Variants in CYFIP2 observed in about 807,000 individuals in gnomAD.
CYFIP2 encodes cytoplasmic FMR1-interacting protein 2.
In CYFIP2, 29 loss-of-function variants were observed where a neutral mutation model predicts 158.7. The observed-to-expected ratio is 0.18, with a 90% CI of 0.14 to 0.25. CYFIP2 has a LOEUF of 0.25. Ranked by LOEUF, CYFIP2 falls within the 10% of genes least tolerant of loss-of-function variation. The probability of loss-of-function intolerance (pLI) is 1.00; values close to 1 mark genes in which losing one functional copy is unlikely to be tolerated. For synonymous variants in CYFIP2, 585 were observed against 617.6 expected, an observed-to-expected ratio of 0.95 and a Z score of 0.78; for missense variants, 852 against 1,639.5, an observed-to-expected ratio of 0.52 and a Z score of 8.29.
intron 8 of CYFIP2, 50 bp downstream of exon 8, chr5:157,304,416 C>G (rs1759042363): frequency 6.5e-7 from 1 of 1,544,860 alleles, no homozygotes; most frequent in Non-Finnish European, 8.7e-7. Flanking sequence ...TACCCTCTCA[C>G]CTTCTTCTTA....
intron 17 of CYFIP2, 38 bp downstream of exon 17, chr5:157,325,676 G>A (rs1258875386): frequency 6.4e-7 from 1 of 1,555,512 alleles, no homozygotes; most frequent in Non-Finnish European, 8.7e-7. Flanking sequence ...GGCTCCTGGG[G>A]TACAAGTAGA....
At chr5:157,281,221 C>T (rs1756963134) in intron 1 of CYFIP2, among the ~76,000 whole-genome samples, 1 of 152,116 alleles carries the variant, frequency 6.6e-6, no homozygotes, top group Non-Finnish European at 1.5e-5. Flanking sequence ...GTTTTGGATC[C>T]AGCATTCTTG....
intron 1 of CYFIP2, among the ~76,000 whole-genome samples, chr5:157,272,612 C>T (rs894027015): frequency 7.0e-4 from 107 of 152,218 alleles, no homozygotes; most frequent in African/African-American, 2.5e-3. Context: ...CTATTCTGCA[C>T]GTTGTCTATT....
chr5:157,392,419 G>A (rs771710010), intron 30 of CYFIP2, among the ~76,000 whole-genome samples: 68 of 152,280 alleles, frequency 4.5e-4, no homozygotes, highest in South Asian at 8.3e-4. Context: ...TAAGGTAAGC[G>A]TCCATTGTTA....
chr5:157,362,886 C>T (rs1215921880), intron 26 of CYFIP2: 2 of 152,226 alleles, frequency 1.3e-5, no homozygotes, highest in African/African-American at 4.8e-5. Context: ...GAGGGGAGAA[C>T]ATGCACTGTT....
intron 26 of CYFIP2, among the ~76,000 whole-genome samples, chr5:157,372,263 A>C (rs1355433490): frequency 1.3e-5 from 2 of 152,190 alleles, no homozygotes; most frequent in African/African-American, 4.8e-5. Context: ...GTTGCACAGG[A>C]GGATGTCCTT....
intron 1 of CYFIP2, among the ~76,000 whole-genome samples, chr5:157,283,429 G>C (rs1315495301): frequency 6.6e-6 from 1 of 151,986 alleles, no homozygotes; most frequent in Non-Finnish European, 1.5e-5. Context: ...TAAGAAGGAA[G>C]ACAGTCTTTT....
intron 23 of CYFIP2, among the ~76,000 whole-genome samples, chr5:157,350,552 GT>G (rs1205780589): frequency 6.6e-5 from 10 of 152,196 alleles, no homozygotes; most frequent in Non-Finnish European, 1.5e-4. Flanking sequence ...TTGAAGTCGG[GT>G]AATGTGATGC....
chr5:157,366,344 G>T (rs1764370622), intron 26 of CYFIP2, among the ~76,000 whole-genome samples: 1 of 152,082 alleles, frequency 6.6e-6, no homozygotes, highest in Admixed American at 6.6e-5. Context: ...TATTACTCTG[G>T]CTTGTCTTTT....
At chr5:157,362,720 T>A (rs972237104) in intron 26 of CYFIP2, 1 of 152,246 alleles carries the variant, frequency 6.6e-6, no homozygotes, top group Non-Finnish European at 1.5e-5. Flanking sequence ...AAATCATGTG[T>A]CTACTGTTAC....
chr5:157,319,948 C>T lies in CYFIP2; in HGVS notation c.1523+20C>T, dbSNP rs951817562. ...CATCAGGTGGGTTTTCAGATGCCTTCAGGAGCATATCAGACATAAGCATGC... is the reference window on the plus strand; with the variant it reads ...CATCAGGTGGGTTTTCAGATGCCTTTAGGAGCATATCAGACATAAGCATGC... On this transcript the variant is annotated intron_variant, in intron 14 of 30. Coordinates refer to ENST00000620254, the MANE Select transcript of CYFIP2 (RefSeq NM_001037333.3). 1 of 1,612,398 alleles carries T rather than the reference C, an allele frequency of 6.2e-7. No individual in the cohort carries two copies. The highest frequency in any genetic ancestry group is 8.5e-7 in the Non-Finnish European group (1 of 1,178,896).
At chr5:157,332,200 T>C (rs1484578853) in intron 20 of CYFIP2, among the ~76,000 whole-genome samples, 4 of 152,308 alleles carry the variant, frequency 2.6e-5, no homozygotes, top group Admixed American at 2.6e-4. Context: ...GTGAATCGTA[T>C]TTTTCCTAAA....
chr5:157,338,696 T>A (rs998336332), intron 21 of CYFIP2, among the ~76,000 whole-genome samples: 4 of 152,224 alleles, frequency 2.6e-5, no homozygotes, highest in Non-Finnish European at 4.4e-5. Flanking sequence ...TGGTAGCTCT[T>A]AGTATTGCTT....
At chr5:157,291,144 C>T (rs910136492) in intron 3 of CYFIP2, among the ~76,000 whole-genome samples, 22 of 152,202 alleles carry the variant, frequency 1.4e-4, no homozygotes, top group African/African-American at 5.3e-4. Flanking sequence ...CAGTGCCCCA[C>T]CCCATCCCCA....
At chr5:157,356,991 C>G (rs1036773107) in intron 23 of CYFIP2, among the ~76,000 whole-genome samples, 2 of 152,232 alleles carry the variant, frequency 1.3e-5, no homozygotes, top group Non-Finnish European at 2.9e-5. Context: ...TAAGCTATTA[C>G]TGGCCCATAC....
chr5:157,284,067 TTCTGAAAC>T lies in CYFIP2; in HGVS notation c.-23-1269_-23-1262del, dbSNP rs200624594. ...GGCTTTATTATTATTAATAATATTT[TTCTGAAAC>T]TCAGCTTTTAGTGTTTTTGTTCACC... is the stretch of plus-strand genomic sequence containing the variant. On this transcript the variant is annotated intron_variant, in intron 1 of 30. Transcript: ENST00000620254. Among the ~76,000 whole-genome samples the T allele has an allele frequency of 8.8e-3, 1,346 of 152,298 alleles. 28 individuals carry two copies. Among genetic ancestry groups the T allele is most frequent in the African/African-American group, 0.03 (1,265 of 41,550 alleles).
Position 157,389,248 on chromosome 5 carries a change from G to A in CYFIP2, c.3267G>A (p.Leu1089=). 6.2e-7 allele frequency: 1 copy of A among 1,614,076 alleles called. No individual in the cohort carries two copies. Among genetic ancestry groups the A allele is most frequent in the Non-Finnish European group, 8.5e-7 (1 of 1,179,892 alleles). The change falls in exon 29 of 31, where the codon CTG becomes CTA. Residue 1089 remains leucine (L), a synonymous_variant. Transcript: ENST00000620254. Reference sequence around the variant, plus strand: ...CCAAGGAGCGGCTGTGCTGTGGCCTGTCCATGTTCGAGGTCATCCTGACCC... The same window carrying A: ...CCAAGGAGCGGCTGTGCTGTGGCCTATCCATGTTCGAGGTCATCCTGACCC... ...LLTKERLCCG[L]SMFEVILTRI...
Position 157,339,212 on chromosome 5 carries a change from C to T in CYFIP2, c.2541C>T (p.Asn847=), listed in dbSNP as rs1194314003. 3 of 1,613,936 alleles carry T rather than the reference C, an allele frequency of 1.9e-6. No homozygotes were observed. Among genetic ancestry groups the T allele is most frequent in the African/African-American group, 2.7e-5 (2 of 74,940 alleles). The change falls in exon 22 of 31, where the codon AAC becomes AAT. Residue 847 remains asparagine, a synonymous_variant. Coordinates refer to ENST00000620254, the MANE Select transcript of CYFIP2 (RefSeq NM_001037333.3). ...CCCTGCATGTCTTCTGGGAACTGAA[C>T]TTTGACTTTCTCCCCAACTACTGCT... ...RITLHVFWEL[N]FDFLPNYCYN...
At chr5:157,374,455 C>G (rs546407113) in intron 26 of CYFIP2, among the ~76,000 whole-genome samples, 5 of 152,154 alleles carry the variant, frequency 3.3e-5, no homozygotes, top group African/African-American at 4.8e-5. Flanking sequence ...ACCCAGCAGC[C>G]TTGGGTAATA....
Sources: gnomAD v4.1 joint callset for allele counts (sites outside exome capture counted in the v4.1 genomes callset) on GRCh38, gnomAD v4.1.1 for gene constraint, MANE v1.5 for transcripts, NCBI Gene and HGNC (gene_info 2026-07-23, HGNC 2026-07-21) for gene names.